The following TENM4 variants were observed in gnomAD, a reference collection of about 807,000 sequenced individuals.
TENM4 encodes teneurin-4.
TENM4 carries 82 observed loss-of-function variants against 243.3 expected under a neutral mutation model. That is an observed-to-expected ratio of 0.34 (90% confidence interval 0.28 to 0.40). The LOEUF is 0.40. Ranked by LOEUF, TENM4 falls within the 10% of genes least tolerant of loss-of-function variation. TENM4 has a pLI of 1.00. For missense variants in TENM4, 3,138 were observed against 3,673.3 expected (o/e 0.85, Z 3.77); for synonymous variants, 1,412 against 1,456.3 (o/e 0.97, Z 0.69).
intron 1 of TENM4, among the ~76,000 whole-genome samples, chr11:79,304,181 A>G (rs1489159249): frequency 6.6e-6 from 1 of 152,204 alleles, no homozygotes; most frequent in Non-Finnish European, 1.5e-5. Context: ...GAAAGGTCCC[A>G]GTAACTTGGC....
intron 32 of TENM4, among the ~76,000 whole-genome samples, chr11:78,667,560 C>T (rs1160546410): frequency 6.6e-6 from 1 of 152,140 alleles, no homozygotes; most frequent in African/African-American, 2.4e-5. Flanking sequence ...TCCCAGAATG[C>T]TCTGGGCAGA....
chr11:79,018,427 C>G (rs1218362802), intron 6 of TENM4, among the ~76,000 whole-genome samples: 1 of 152,104 alleles, frequency 6.6e-6, no homozygotes, highest in Non-Finnish European at 1.5e-5. Context: ...TCCACTATCT[C>G]CAGAACCTCC....
chr11:79,377,991 C>T (rs533887249), intron 1 of TENM4, among the ~76,000 whole-genome samples: 1 of 152,308 alleles, frequency 6.6e-6, no homozygotes, highest in South Asian at 2.1e-4. Context: ...CAGGCTCAAA[C>T]ACTAAACACA....
In TENM4 at chr11:78,669,397, G is replaced by C; in HGVS notation, c.6948C>G (p.Asp2316Glu). 2 of 1,613,684 alleles carry C rather than the reference G, an allele frequency of 1.2e-6. No homozygotes were observed. The highest frequency in any genetic ancestry group is 1.7e-6 in the Non-Finnish European group (2 of 1,179,726). Reference sequence around the variant, plus strand: ...GGGTGACCTTGGTGGGGTTGGTCAGGTCTGCATAGAAGAACTGCAGGTGGT... The same window carrying C: ...GGGTGACCTTGGTGGGGTTGGTCAGCTCTGCATAGAAGAACTGCAGGTGGT... Reference protein sequence around the residue: ...HSHHLQFFYADLTNPTKVTHL... With the variant: ...HSHHLQFFYAELTNPTKVTHL... Residue 2316 changes from aspartate to glutamate, a missense_variant, in exon 32 of 34, where the codon GAC becomes GAG. By Grantham distance (45) the Asp-to-Glu change is conservative (BLOSUM62 2). Transcript: ENST00000278550. The surrounding 1 kb of genome is among the most constrained non-coding windows in gnomAD (Gnocchi z 6.4).
intron 25 of TENM4, among the ~76,000 whole-genome samples, chr11:78,712,917 AAACCCCTTGCAATTCTTGCAAG>A (rs370721436): frequency 0.068 from 10,405 of 152,208 alleles, 909 homozygotes; most frequent in African/African-American, 0.21. Flanking sequence ...ATTCTTGCAA[AAACCCCTTGCAATTCTTGCAAG>A]AACCCCTTGC....
At chr11:78,868,041 G>T (rs1316189667) in intron 9 of TENM4, among the ~76,000 whole-genome samples, 2 of 142,420 alleles carry the variant, frequency 1.4e-5, no homozygotes, top group African/African-American at 2.6e-5. Flanking sequence ...CTGAGTGCGT[G>T]TTATCCAAAT....
intron 6 of TENM4, among the ~76,000 whole-genome samples, chr11:79,016,268 A>C (rs910372830): frequency 6.6e-6 from 1 of 152,158 alleles, no homozygotes; most frequent in Non-Finnish European, 1.5e-5. Flanking sequence ...TGGGGACTTG[A>C]CTTAAGGTTA....
chr11:78,926,560 C>G (rs570526258), intron 6 of TENM4, among the ~76,000 whole-genome samples: 1 of 152,066 alleles, frequency 6.6e-6, no homozygotes, highest in South Asian at 2.1e-4. Flanking sequence ...GCATGAACCA[C>G]TATGCCTGGC....
intron 3 of TENM4, among the ~76,000 whole-genome samples, chr11:79,169,369 G>A (rs920360850): frequency 2.0e-5 from 3 of 152,172 alleles, no homozygotes; most frequent in Admixed American, 6.5e-5. Context: ...ATGCCGTTGA[G>A]TGATCGCAAG....
intron 21 of TENM4, 118 bp downstream of exon 21, chr11:78,732,198 T>C: frequency 7.1e-7 from 1 of 1,401,856 alleles, no homozygotes; most frequent in Non-Finnish European, 9.5e-7. Flanking sequence ...AACAGGCTGA[T>C]GGGACCTGAC....
chr11:78,956,018 G>T (rs1049676049), intron 6 of TENM4, among the ~76,000 whole-genome samples: 1 of 152,126 alleles, frequency 6.6e-6, no homozygotes, highest in Admixed American at 6.5e-5. Context: ...TAGACAAATC[G>T]CTTCATCTCT....
intron 18 of TENM4, among the ~76,000 whole-genome samples, chr11:78,769,383 C>T (rs151091476): frequency 6.6e-6 from 1 of 152,182 alleles, no homozygotes; most frequent in Non-Finnish European, 1.5e-5. Context: ...GCTACCCATC[C>T]AAGTGTCACC....
chr11:78,915,853 T>C (rs908921548), intron 6 of TENM4, among the ~76,000 whole-genome samples: 2 of 152,216 alleles, frequency 1.3e-5, no homozygotes, highest in Non-Finnish European at 2.9e-5. Flanking sequence ...CTCCACTTTG[T>C]AGCCATCAGT....
At chr11:79,175,341 G>A (rs1170080980) in intron 3 of TENM4, among the ~76,000 whole-genome samples, 1 of 152,218 alleles carries the variant, frequency 6.6e-6, no homozygotes. Context: ...ACTAGTTGAA[G>A]TGGGGCAGGT....
chr11:78,872,901 A>G (rs1321781579), intron 9 of TENM4, among the ~76,000 whole-genome samples: 1 of 152,166 alleles, frequency 6.6e-6, no homozygotes, highest in African/African-American at 2.4e-5. Context: ...TAATTTGTGT[A>G]TGTATTATTA....
intron 6 of TENM4, among the ~76,000 whole-genome samples, chr11:79,028,835 T>C (rs969349556): frequency 6.6e-6 from 1 of 152,192 alleles, no homozygotes; most frequent in Non-Finnish European, 1.5e-5. Context: ...GGGGCACTAG[T>C]TAACATGCAA....
intron 3 of TENM4, among the ~76,000 whole-genome samples, chr11:79,209,516 T>A (rs1403295545): frequency 6.6e-6 from 1 of 152,206 alleles, no homozygotes; most frequent in Non-Finnish European, 1.5e-5. Context: ...ATTCATGTGT[T>A]CAGTTAGTCC....
intron 6 of TENM4, among the ~76,000 whole-genome samples, chr11:78,981,551 G>A (rs573221365): frequency 4.2e-4 from 64 of 152,216 alleles, no homozygotes; most frequent in Non-Finnish European, 8.1e-4. Context: ...CTGGACCACC[G>A]GCCAATCTGA....
At chr11:78,786,429 G>T (rs1856937151) in intron 16 of TENM4, among the ~76,000 whole-genome samples, 1 of 152,238 alleles carries the variant, frequency 6.6e-6, no homozygotes, top group South Asian at 2.1e-4. Flanking sequence ...TAATGCATTG[G>T]ATAATAATGG....
Sources: allele counts gnomAD v4.1 joint callset (sites outside exome capture counted in the v4.1 genomes callset), GRCh38; gene constraint gnomAD v4.1.1; non-coding constraint Gnocchi (gnomAD v3.1); transcripts MANE v1.5; gene names NCBI Gene and HGNC (gene_info 2026-07-23, HGNC 2026-07-21).